The following DNAAF5 variants were observed in gnomAD, a reference collection of about 807,000 sequenced individuals.
DNAAF5 encodes the protein dynein axonemal assembly factor 5.
Under a neutral mutation model 75.8 loss-of-function variants are expected in DNAAF5, and 64 were observed. That is an observed-to-expected ratio of 0.84 (90% CI 0.69 to 1.04). DNAAF5 has a LOEUF of 1.04. DNAAF5 is among the 50% of genes least tolerant of loss of function. The pLI is 0.00. For missense variants in DNAAF5, 1,269 were observed against 1,178.5 expected, an observed-to-expected ratio of 1.08 and a Z score of -1.12; for synonymous variants, 657 against 557.2, an observed-to-expected ratio of 1.18 and a Z score of -2.52.
In DNAAF5 at chr7:779,840, T is replaced by C. The variant is rs35728023; in HGVS notation, c.2240-113T>C. On this transcript the variant is annotated intron_variant, in intron 11 of 12. Coordinates refer to ENST00000297440, the MANE Select transcript of DNAAF5 (RefSeq NM_017802.4). ...GAGTCTCCCGTGAGGTGTGGGTTTC[T>C]TAGGACCCCAGGGCAGGTGTCCCAT... The C allele has an allele frequency of 0.65, 579,185 of 896,720 alleles. 189,082 individuals are homozygous for C. Among genetic ancestry groups the C allele is most frequent in the African/African-American group, 0.81 (48,021 of 59,412 alleles). The allele number at this position is 896,720 out of a possible 1,614,324, so 55.5% of individuals were successfully genotyped here.
chr7:728,030 C>T (rs1781421090), intron 1 of DNAAF5, among the ~76,000 whole-genome samples: 1 of 152,062 alleles, frequency 6.6e-6, no homozygotes, highest in South Asian at 2.1e-4. Context: ...TCCCATTCAT[C>T]CTACTCCCCT....
intron 2 of DNAAF5, among the ~76,000 whole-genome samples, chr7:738,226 C>G (rs568733185): frequency 1.5e-4 from 23 of 152,146 alleles, no homozygotes; most frequent in Non-Finnish European, 3.1e-4. Context: ...CTTCAGTATG[C>G]TAATTCCTTT....
rs374069664 is a variant in DNAAF5 at position 775,119 on chromosome 7, G to C, written c.2196G>C (p.Ser732=). The part of the protein sequence containing the change: ...CRIINTFLKT[S]GGMTDPEKLI... ...TTATCAACACGTTCTTAAAAACCTC[G>C]GGCGGCATGACGGATCCAGAGAAAC... The change falls in exon 11 of 13, where the codon TCG becomes TCC. Residue 732 remains serine (S), a synonymous_variant. Coordinates refer to ENST00000297440, the MANE Select transcript of DNAAF5 (RefSeq NM_017802.4). 1.2e-5 allele frequency: 19 copies of C among 1,614,098 alleles called. 1 individual carries two copies. Among genetic ancestry groups the C allele is most frequent in the South Asian group, 8.8e-5 (8 of 91,080 alleles).
In DNAAF5 at chr7:785,583, A is replaced by G. The variant is rs1343364675; in HGVS notation, c.2498A>G (p.His833Arg). Residue 833 changes from histidine (H) to arginine (R), a missense_variant, in exon 13 of 13, where the codon CAC becomes CGC. Transcript: ENST00000297440. The stretch of plus-strand genomic sequence containing the variant: ...GTGAGGGAGACGGAGGCCGTCATCC[A>G]CAAGCACCGCTCGGCCACCTACTGC... ...LLVRETEAVI[H>R]KHRSATYCEQ... 13 of 1,613,378 alleles carry G rather than the reference A, an allele frequency of 8.1e-6. No individual in the cohort carries two copies. The highest frequency in any genetic ancestry group is 1.3e-5 in the African/African-American group (1 of 75,064).
chr7:766,684 G>A lies in DNAAF5; in HGVS notation c.1783+2710G>A, dbSNP rs557232622. Among the ~76,000 whole-genome samples the A allele has an allele frequency of 1.1e-4, 17 of 152,086 alleles. No homozygotes were observed. In the East Asian group the frequency reaches 2.1e-3, roughly 19 times the overall value. On this transcript the variant is annotated intron_variant, in intron 8 of 12. Transcript: ENST00000297440. ...ATCTCAGCACTCTGAGTCCATAACC[G>A]AGCAGCCTGCTCTGATGATAGAGGC...
chr7:782,600 C>T (rs1212598224), intron 12 of DNAAF5, among the ~76,000 whole-genome samples: 4 of 148,796 alleles, frequency 2.7e-5, no homozygotes, highest in African/African-American at 7.6e-5. Flanking sequence ...GGCCGCGTCC[C>T]GTTACGCAGC....
chr7:764,999 T>TGGCC (rs139896757), intron 8 of DNAAF5, among the ~76,000 whole-genome samples: 2,449 of 152,310 alleles, frequency 0.016, 73 homozygotes, highest in African/African-American at 0.052. Context: ...TGTGCGCCTG[T>TGGCC]GGCCCCAGCT....
intron 12 of DNAAF5, 90 bp from the exon 13 acceptor site, chr7:785,427 T>G: frequency 1.4e-6 from 2 of 1,449,152 alleles, no homozygotes; most frequent in Non-Finnish European, 1.9e-6. Context: ...TACAGATGCT[T>G]GAACTTCACT....
intron 4 of DNAAF5, among the ~76,000 whole-genome samples, chr7:743,374 AAAAC>A (rs145813645): frequency 0.78 from 117,476 of 150,402 alleles, 46,185 homozygotes; most frequent in South Asian, 0.87. Flanking sequence ...GACCCCGTTT[AAAAC>A]AAACAAACAA....
At position 729,793 on chromosome 7, in the gene DNAAF5, C is replaced by T. The variant is rs1372138610; in HGVS notation, c.726C>T (p.Ser242=). ...TGATCCATTTTGGCAACGGGAAGTC[C>T]GTGGACGACGTGCTTTCCCATTTTG... ...GAVIHFGNGK[S]VDDVLSHFAQ... Residue 242 remains serine, a synonymous_variant, in exon 2 of 13, where the codon TCC becomes TCT. Transcript: ENST00000297440. 1.2e-6 allele frequency: 2 copies of T among 1,614,220 alleles called. No homozygotes were observed. The highest frequency in any genetic ancestry group is 1.1e-5 in the South Asian group (1 of 91,082).
At chr7:777,208 A>G (rs4537211) in intron 11 of DNAAF5, among the ~76,000 whole-genome samples, 95,548 of 151,928 alleles carry the variant, frequency 0.63, 30,266 homozygotes, top group South Asian at 0.67. Context: ...TCATCCTGAA[A>G]CCATCTCACC....
At chr7:755,710 G>A (rs1054249506) in intron 5 of DNAAF5, among the ~76,000 whole-genome samples, 12 of 152,160 alleles carry the variant, frequency 7.9e-5, no homozygotes, top group Admixed American at 6.5e-4. Context: ...CAGCCTGGGC[G>A]ACGGAATGAG....
At chr7:780,908 T>G (rs764345704) in intron 12 of DNAAF5, among the ~76,000 whole-genome samples, 5 of 130,176 alleles carry the variant, frequency 3.8e-5, no homozygotes, top group Non-Finnish European at 8.4e-5. Context: ...TATTTTTAAT[T>G]TTTGTGGGTA....
chr7:780,855 T>C (rs370577387), intron 12 of DNAAF5, among the ~76,000 whole-genome samples: 1 of 151,386 alleles, frequency 6.6e-6, no homozygotes, highest in African/African-American at 2.4e-5. Flanking sequence ...TGTTTTGTTG[T>C]TGGTGAATAT....
intron 12 of DNAAF5, among the ~76,000 whole-genome samples, chr7:782,265 A>G (rs201517437): frequency 0.2 from 4,912 of 25,122 alleles, 6 homozygotes; most frequent in Middle Eastern, 0.27. Flanking sequence ...CGGCGTGGCC[A>G]CCTCCCGACA....
chr7:769,754 T>TTCAA (rs1172004771), intron 8 of DNAAF5, among the ~76,000 whole-genome samples: 2 of 151,898 alleles, frequency 1.3e-5, no homozygotes, highest in Non-Finnish European at 2.9e-5. Context: ...GCCTCACGGG[T>TTCAA]TCAAGCAGTC....
At chr7:746,029 G>A (rs1199411874) in intron 4 of DNAAF5, among the ~76,000 whole-genome samples, 6 of 152,210 alleles carry the variant, frequency 3.9e-5, no homozygotes, top group Admixed American at 2.0e-4. Flanking sequence ...TAAGCACTAC[G>A]TTGTGTTAGA....
At chr7:782,962 C>G (rs1779023789) in intron 12 of DNAAF5, among the ~76,000 whole-genome samples, 1 of 152,276 alleles carries the variant, frequency 6.6e-6, no homozygotes, top group Non-Finnish European at 1.5e-5. Context: ...CCTGGGGTGG[C>G]TGCTCTTGTT....
chr7:748,954 G>T lies in DNAAF5; in HGVS notation c.1025-5635G>T, dbSNP rs1169163443. Among the ~76,000 whole-genome samples the T allele has an allele frequency of 2.6e-5, 4 of 152,212 alleles. No individual in the cohort carries two copies. The South Asian group carries it at 8.3e-4, about 31-fold the overall frequency. On this transcript the variant is annotated intron_variant, in intron 4 of 12. Coordinates refer to ENST00000297440, the MANE Select transcript of DNAAF5 (RefSeq NM_017802.4). ...ATCAATAAGGAATTCACATGGGCCT[G>T]GATCTGAAGTTTCATCAGAGTCCAG...
Sources: allele counts gnomAD v4.1 joint callset (sites outside exome capture counted in the v4.1 genomes callset), GRCh38; gene constraint gnomAD v4.1.1; transcripts MANE v1.5; gene names NCBI Gene and HGNC (gene_info 2026-07-23, HGNC 2026-07-21).